Variants in ZNF839 observed in about 807,000 individuals in gnomAD.
ZNF839 encodes zinc finger protein 839, also known as renal carcinoma antigen NY-REN-50.
A neutral mutation model predicts 56.4 loss-of-function variants in ZNF839; 38 were observed. That is an observed-to-expected ratio of 0.67 (90% CI 0.52 to 0.88). The LOEUF (loss-of-function observed/expected upper bound fraction) is 0.88, where lower values mean the gene tolerates loss of function less well. ZNF839 is among the 40% of genes least tolerant of loss of function. The pLI is 0.00. For synonymous variants in ZNF839, 486 were observed against 493.5 expected (o/e 0.98, Z 0.20); for missense variants, 1,091 against 1,177.6 (o/e 0.93, Z 1.08).
rs958940570 is a variant in ZNF839, at chr14:102,332,201, C to T, written c.1416+355C>T. Among the ~76,000 whole-genome samples the T allele has an allele frequency of 3.9e-5, 6 of 152,058 alleles. No individual in the cohort carries two copies. Among genetic ancestry groups the T allele is most frequent in the Non-Finnish European group, 5.9e-5 (4 of 68,018 alleles). On this transcript the variant is annotated intron_variant, in intron 3 of 7. Coordinates refer to ENST00000442396, the MANE Select transcript of ZNF839 (RefSeq NM_018335.6). The surrounding 1 kb of genome is among the most constrained non-coding windows in gnomAD (Gnocchi z 4.9). ...AGGCTGGAGTGCAGTGGTGCCATCC[C>T]GGCTCACTGTGCTTCTCCACCTCCC...
Position 102,341,763 on chromosome 14 carries a change from G to T in ZNF839, c.2368G>T (p.Val790Phe). Reference protein sequence around the residue: ...LNHQQPSPTSVLPTEVAAPPL... With the variant: ...LNHQQPSPTSFLPTEVAAPPL... ...CCACCAGCAGCCCAGCCCCACCAGC[G>T]TCCTGCCTACAGAGGTGGCAGCCCC... The change falls in exon 8 of 8, where the codon GTC (valine) becomes TTC (phenylalanine). Residue 790 changes from valine to phenylalanine, a missense_variant. Physicochemically the swap from Val to Phe is conservative, Grantham distance 50. This residue lies in a region of ZNF839 where 431 missense variants were observed against 468.0 expected (regional missense o/e 0.92). Coordinates refer to ENST00000442396, the MANE Select transcript of ZNF839 (RefSeq NM_018335.6). The T allele has an allele frequency of 6.2e-7, 1 of 1,613,984 alleles. No individual in the cohort carries two copies. Among genetic ancestry groups the T allele is most frequent in the Non-Finnish European group, 8.5e-7 (1 of 1,179,892 alleles).
intron 1 of ZNF839, among the ~76,000 whole-genome samples, chr14:102,321,675 A>T (rs1286566003): frequency 6.6e-6 from 1 of 152,220 alleles, no homozygotes; most frequent in Non-Finnish European, 1.5e-5. Context: ...AGACCCAGAT[A>T]ACTTCTAGTC....
rs185464070 is a variant in ZNF839 at position 102,334,334 on chromosome 14, C to A, written c.1417-220C>A. 7.9e-5 allele frequency among the ~76,000 whole-genome samples: 12 copies of A among 152,360 alleles called. No individual in the cohort carries two copies. In the East Asian group the frequency reaches 2.3e-3, roughly 29 times the overall value. On this transcript the variant is annotated intron_variant, in intron 3 of 7. Transcript: ENST00000442396. ...CCTTATTCCAGGGCCTTGCCCAGGA[C>A]AGTGCCCAGAGCTTGTCATGGGGGA...
At chr14:102,333,247 C>T (rs1024001615) in intron 3 of ZNF839, among the ~76,000 whole-genome samples, 2 of 149,768 alleles carry the variant, frequency 1.3e-5, no homozygotes, top group East Asian at 2.0e-4. Context: ...CTTGCTCTCT[C>T]TCTAAATGCC....
chr14:102,329,127 G>A (rs1044497134), intron 2 of ZNF839, among the ~76,000 whole-genome samples: 2 of 151,686 alleles, frequency 1.3e-5, no homozygotes, highest in African/African-American at 4.8e-5. Flanking sequence ...GAGCCACCAC[G>A]CCCAGCTAAG....
rs1567292543 is a variant in ZNF839 at position 102,333,000 on chromosome 14, C to G, written c.1416+1154C>G. 6.6e-6 allele frequency among the ~76,000 whole-genome samples: 1 copy of G among 152,176 alleles called. No individual in the cohort carries two copies. The highest frequency in any genetic ancestry group is 1.5e-5 in the Non-Finnish European group (1 of 68,040). ...AGTTTCCCTGTCTGCTGTTATTAAG[C>G]TCATACAGAATTTAGGTCAGGCCAT... is the stretch of plus-strand genomic sequence containing the variant. On this transcript the variant is annotated intron_variant, in intron 3 of 7. Coordinates refer to ENST00000442396, the MANE Select transcript of ZNF839 (RefSeq NM_018335.6). The surrounding 1 kb of genome is among the most constrained non-coding windows in gnomAD (Gnocchi z 4.9).
In ZNF839 at chr14:102,326,120, G is replaced by T; in HGVS notation, c.424G>T (p.Gly142Trp). Residue 142 changes from glycine to tryptophan, a missense_variant, in exon 2 of 8, where the codon GGG becomes TGG. Transcript: ENST00000442396. This position sits in a 1 kb window ranked among gnomAD's most constrained non-coding sequence, Gnocchi z 4.3. Reference protein sequence around the residue: ...QLPRGNSCLVGLHIASPQLLR... With the variant: ...QLPRGNSCLVWLHIASPQLLR... ...GCCCCGGGGGAATTCCTGCCTGGTG[G>T]GGCTCCATATCGCCAGCCCTCAGCT... 2 of 1,613,908 alleles carry T rather than the reference G, an allele frequency of 1.2e-6. No individual in the cohort carries two copies. The highest frequency in any genetic ancestry group is 2.7e-5 in the African/African-American group (2 of 75,032).
rs1389390732 is a variant in ZNF839, at chr14:102,319,849, C to G, written c.84C>G (p.Gly28=). Residue 28 remains glycine (G), a synonymous_variant, in exon 1 of 8, where the codon GGC becomes GGG. Transcript: ENST00000442396. The surrounding 1 kb of genome is among the most constrained non-coding windows in gnomAD (Gnocchi z 4.5). ...GGGPAPPGQS[G]SVARVAPLGP... Reference sequence around the variant, plus strand: ...GCCCGGCTCCTCCGGGCCAGAGCGGCAGCGTCGCACGTGTGGCCCCGCTGG... The same window carrying G: ...GCCCGGCTCCTCCGGGCCAGAGCGGGAGCGTCGCACGTGTGGCCCCGCTGG... The G allele has an allele frequency of 7.9e-7, 1 of 1,261,732 alleles. No homozygotes were observed. Among genetic ancestry groups the G allele is most frequent in the Non-Finnish European group, 1.0e-6 (1 of 1,005,012 alleles). 78.2% of individuals were successfully genotyped at this position (1,261,732 alleles called of 1,614,324 possible).
At position 102,330,298 on chromosome 14, in the gene ZNF839, T is replaced by G. The variant is rs148739486; in HGVS notation, c.1192-1324T>G. The stretch of plus-strand genomic sequence containing the variant: ...CCCAGTCTGGAGTGCAATGGCATGA[T>G]CTCAGCTCACTGCAACTTCTGCCTC... On this transcript the variant is annotated intron_variant, in intron 2 of 7. Coordinates refer to ENST00000442396, the MANE Select transcript of ZNF839 (RefSeq NM_018335.6). 1.5e-3 allele frequency among the ~76,000 whole-genome samples: 227 copies of G among 152,162 alleles called. 1 individual carries two copies. The highest frequency in any genetic ancestry group is 5.2e-3 in the African/African-American group (214 of 41,500).
intron 7 of ZNF839, among the ~76,000 whole-genome samples, chr14:102,339,777 A>G (rs561790378): frequency 6.6e-6 from 1 of 151,188 alleles, no homozygotes; most frequent in Non-Finnish European, 1.5e-5. Context: ...ACCAAATGGT[A>G]GTAAACAGGC....
At position 102,331,853 on chromosome 14, in the gene ZNF839, C is replaced by T; in HGVS notation, c.1416+7C>T. ...CAAAGCCAGGCTCAAGGAGGTACCT[C>T]ACTCTTAAACCCTGTGCTTGAAACC... On this transcript the variant is annotated splice_region_variant and intron_variant, in intron 3 of 7. Coordinates refer to ENST00000442396, the MANE Select transcript of ZNF839 (RefSeq NM_018335.6). The T allele has an allele frequency of 1.3e-6, 2 of 1,548,368 alleles. No individual in the cohort carries two copies. Among genetic ancestry groups the T allele is most frequent in the South Asian group, 2.4e-5 (2 of 84,684 alleles).
intron 5 of ZNF839, chr14:102,337,306 C>G (rs1885872709): frequency 6.6e-6 from 1 of 152,036 alleles, no homozygotes; most frequent in Non-Finnish European, 1.5e-5. Context: ...GTAGCTGGGA[C>G]TACAGGTGTG....
upstream of ZNF839, among the ~76,000 whole-genome samples, chr14:102,318,646 A>AC (rs1490076083): frequency 1.3e-5 from 2 of 151,958 alleles, no homozygotes; most frequent in African/African-American, 4.8e-5. Context: ...AAAAAAAAAA[A>AC]ATTGTGGTAA....
chr14:102,331,797 C>A lies in ZNF839; in HGVS notation c.1367C>A (p.Ala456Asp). ...RRAAQLPGGP[A>D]AAGEQRASPS... is the part of the protein sequence containing the mutation. ...GCTGCTCAGCTACCTGGTGGCCCTG[C>A]TGCGGCAGGGGAGCAGAGGGCGTCG... Residue 456 changes from alanine to aspartate, a missense_variant, in exon 3 of 8, where the codon GCT becomes GAT. Coordinates refer to ENST00000442396, the MANE Select transcript of ZNF839 (RefSeq NM_018335.6). 1 of 1,593,684 alleles carries A rather than the reference C, an allele frequency of 6.3e-7. No individual in the cohort carries two copies. Among genetic ancestry groups the A allele is most frequent in the Non-Finnish European group, 8.5e-7 (1 of 1,171,066 alleles).
rs967559304 is a variant in ZNF839 at position 102,326,885 on chromosome 14, C to T, written c.1189C>T (p.Gln397Ter). 2 of 1,591,896 alleles carry T rather than the reference C, an allele frequency of 1.3e-6. No homozygotes were observed. Among genetic ancestry groups the T allele is most frequent in the Non-Finnish European group, 1.7e-6 (2 of 1,166,416 alleles). ...GACAGAGTCAGCACGCGGTGGCCTG[C>T]AGGTAATGTTTCTGTCTGGGTATGT... ...LVTESARGGL[Q>*]NGQSVDVEET... is the part of the protein sequence containing the mutation. Residue 397 changes from glutamine (Q) to a stop codon, truncating the protein, a stop_gained and splice_region_variant, in exon 2 of 8, where the codon CAG becomes TAG. Coordinates refer to ENST00000442396, the MANE Select transcript of ZNF839 (RefSeq NM_018335.6). LOFTEE classifies it high-confidence loss of function. This position sits in a 1 kb window ranked among gnomAD's most constrained non-coding sequence, Gnocchi z 4.3.
intron 4 of ZNF839, 94 bp downstream of exon 4, chr14:102,334,740 C>T (rs1490365888): frequency 3.1e-6 from 2 of 647,074 alleles, no homozygotes; most frequent in East Asian, 4.2e-5. Flanking sequence ...CAATAGCCTG[C>T]ATAGTTGTTA....
chr14:102,328,553 CTT>C (rs1461275737), intron 2 of ZNF839, among the ~76,000 whole-genome samples: 1 of 151,322 alleles, frequency 6.6e-6, no homozygotes, highest in Non-Finnish European at 1.5e-5. Flanking sequence ...CTCCAGAACT[CTT>C]TTCATCTTCT....
chr14:102,338,705 G>A, intron 5 of ZNF839, 111 bp from the exon 6 acceptor site: 4 of 1,476,938 alleles, frequency 2.7e-6, no homozygotes, highest in Non-Finnish European at 2.8e-6. Context: ...AGTAGGTGAG[G>A]AACTTTGTAG....
intron 5 of ZNF839, 33 bp downstream of exon 5, chr14:102,335,871 T>A (rs748522690): frequency 1.2e-6 from 2 of 1,604,866 alleles, no homozygotes; most frequent in Non-Finnish European, 1.7e-6. Context: ...AGAGTTTTGC[T>A]CATAGAGTTA....
Sources: allele counts gnomAD v4.1 joint callset (sites outside exome capture counted in the v4.1 genomes callset), GRCh38; gene constraint gnomAD v4.1.1; regional missense constraint gnomAD v4.1.1; non-coding constraint Gnocchi (gnomAD v3.1); transcripts MANE v1.5; gene names NCBI Gene and HGNC (gene_info 2026-07-23, HGNC 2026-07-21).